Variants in ANXA11 observed in about 807,000 individuals in gnomAD.
ANXA11 encodes the protein 56 kDa autoantigen.
A neutral mutation model predicts 64.7 loss-of-function variants in ANXA11; 57 were observed. The ratio of observed to expected loss-of-function variants is 0.88; its 90% CI spans 0.71 to 1.10. The LOEUF (loss-of-function observed/expected upper bound fraction) is 1.10, where lower values mean the gene tolerates loss of function less well. Among genes scored for constraint, ANXA11 ranks in the 50% least tolerant of loss-of-function variants. The probability of loss-of-function intolerance (pLI) is 0.00; values close to 1 mark genes in which losing one functional copy is unlikely to be tolerated. For missense variants in ANXA11, 675 were observed against 670.7 expected, an observed-to-expected ratio of 1.01 and a Z score of -0.07; for synonymous variants, 260 against 265.2, an observed-to-expected ratio of 0.98 and a Z score of 0.19.
At chr10:80,195,053 C>A (rs2573376) in intron 1 of ANXA11, among the ~76,000 whole-genome samples, 2 of 152,082 alleles carry the variant, frequency 1.3e-5, no homozygotes, top group African/African-American at 4.8e-5. Flanking sequence ...GGAAGAGAGG[C>A]GAAGAAGACT....
At chr10:80,171,224 T>A in intron 3 of ANXA11, 1 of 1,237,258 alleles carries the variant, frequency 8.1e-7, no homozygotes, top group Non-Finnish European at 1.0e-6. Flanking sequence ...AAGTTCACCA[T>A]CATGGAGCAG....
chr10:80,198,962 C>T (rs907429116), intron 1 of ANXA11, among the ~76,000 whole-genome samples: 4 of 152,130 alleles, frequency 2.6e-5, no homozygotes, highest in African/African-American at 9.7e-5. Context: ...AATTCCTCTA[C>T]CAAAGACAGA....
At chr10:80,166,303 C>T in intron 7 of ANXA11, 106 bp from the exon 8 acceptor site, 1 of 652,316 alleles carries the variant, frequency 1.5e-6, no homozygotes, top group Non-Finnish European at 2.7e-6. Context: ...TGAGGAACAG[C>T]AGCATGGACA....
At position 80,166,910 on chromosome 10, in the gene ANXA11, A is replaced by G; in HGVS notation, c.724T>C (p.Phe242Leu). The G allele has an allele frequency of 6.2e-7, 1 of 1,608,406 alleles. No individual in the cohort carries two copies. The highest frequency in any genetic ancestry group is 8.5e-7 in the Non-Finnish European group (1 of 1,177,992). The change falls in exon 7 of 16, where the codon TTC becomes CTC. Residue 242 changes from phenylalanine to leucine, a missense_variant. Physicochemically the swap from Phe to Leu is conservative, Grantham distance 22. Coordinates refer to ENST00000422982, the MANE Select transcript of ANXA11 (RefSeq NM_145868.2). ...CTCGCCTTGCCGTAAGCCGTCTTGA[A>G]GGAAAGTAGGATCTGCTGCCGCTGC... ...NKQRQQILLS[F>L]KTAYGKDLIK...
intron 1 of ANXA11, among the ~76,000 whole-genome samples, chr10:80,192,470 T>C (rs932817663): frequency 4.6e-5 from 7 of 150,838 alleles, no homozygotes; most frequent in African/African-American, 1.5e-4. Flanking sequence ...TCCTCAGAGA[T>C]AGAAGAGAAC....
chr10:80,176,981 C>CTTTTT (rs10699670), intron 1 of ANXA11, among the ~76,000 whole-genome samples: 1 of 140,220 alleles, frequency 7.1e-6, no homozygotes. Flanking sequence ...CTGCTCCCCA[C>CTTTTT]TTTTTTTTTT....
At chr10:80,205,680 C>A (rs28365998), upstream of ANXA11, 10,532 of 152,256 alleles carry the variant, frequency 0.069, 570 homozygotes, top group South Asian at 0.2. Context: ...TCCAGGAAGT[C>A]TCGGGCTCCG....
intron 1 of ANXA11, among the ~76,000 whole-genome samples, chr10:80,187,566 C>T (rs997704191): frequency 1.4e-5 from 2 of 147,262 alleles, no homozygotes; most frequent in Non-Finnish European, 3.0e-5. Flanking sequence ...CACACACACA[C>T]ACACTCTCTC....
intron 8 of ANXA11, 56 bp from the exon 9 acceptor site, chr10:80,164,199 A>C: frequency 6.9e-7 from 1 of 1,455,004 alleles, no homozygotes; most frequent in Non-Finnish European, 9.6e-7. Context: ...CCTCACCAGC[A>C]CTCGGGAAGA....
upstream of ANXA11, chr10:80,205,589 CTGA>C (rs1825762309): frequency 1.3e-5 from 2 of 152,016 alleles, no homozygotes; most frequent in Non-Finnish European, 2.9e-5. Flanking sequence ...GGGGCGGGGC[CTGA>C]GCGCGGCCCC....
Position 80,155,711 on chromosome 10 carries a change from G to A in ANXA11, c.*142C>T. On this transcript the variant is annotated 3_prime_UTR_variant, in exon 16 of 16. Transcript: ENST00000422982. ...GTCCTGTGGCACACTATACGGGTCA[G>A]GAGGGGTGGAAGACAGGCCTAAGCT... The A allele has an allele frequency of 2.4e-6, 2 of 842,598 alleles. No individual in the cohort carries two copies. Among genetic ancestry groups the A allele is most frequent in the East Asian group, 2.4e-5 (1 of 41,398 alleles). 52.2% of individuals were successfully genotyped at this position (842,598 alleles called of 1,614,324 possible).
At chr10:80,200,376 A>T (rs1475742728) in intron 1 of ANXA11, among the ~76,000 whole-genome samples, 1 of 152,240 alleles carries the variant, frequency 6.6e-6, no homozygotes, top group Admixed American at 6.5e-5. Context: ...ATTCTCCCAG[A>T]TCCTTGGCCA....
chr10:80,170,705 T>C lies in ANXA11; in HGVS notation c.171+95A>G, dbSNP rs2789689. ...ACTACACACCACAGCAACACACACA[T>C]AGACAACTCTGGAGCCCCAGAGGCC... On this transcript the variant is annotated intron_variant, in intron 4 of 15. Transcript: ENST00000422982. The C allele has an allele frequency of 0.056, 56,027 of 993,422 alleles. 1,750 individuals carry two copies. Among genetic ancestry groups the C allele is most frequent in the African/African-American group, 0.084 (4,994 of 59,708 alleles). 61.5% of individuals were successfully genotyped at this position (993,422 alleles called of 1,614,324 possible).
chr10:80,196,453 C>T (rs899918706), intron 1 of ANXA11, among the ~76,000 whole-genome samples: 5 of 152,160 alleles, frequency 3.3e-5, no homozygotes, highest in Non-Finnish European at 7.3e-5. Flanking sequence ...CTGGGTGGCA[C>T]CTGTTTCGGT....
At chr10:80,205,643 G>A (rs1177623243), upstream of ANXA11, 1 of 152,148 alleles carries the variant, frequency 6.6e-6, no homozygotes, top group Non-Finnish European at 1.5e-5. Flanking sequence ...CCCGCGAGGA[G>A]CAGCAGCCTT....
chr10:80,179,091 G>A (rs1846270027), intron 1 of ANXA11, among the ~76,000 whole-genome samples: 1 of 152,176 alleles, frequency 6.6e-6, no homozygotes, highest in Non-Finnish European at 1.5e-5. Context: ...TGGAGGTGGG[G>A]CCAGGTGGGA....
chr10:80,201,029 C>G (rs1840397062), intron 1 of ANXA11, among the ~76,000 whole-genome samples: 1 of 152,146 alleles, frequency 6.6e-6, no homozygotes, highest in Admixed American at 6.5e-5. Context: ...TAAATCGAGG[C>G]AACAGAATCA....
chr10:80,197,804 G>T lies in ANXA11; in HGVS notation c.-58+7539C>A, dbSNP rs537952751. ...CAAAGCGCAGTGGCGGGCGCCTGTA[G>T]TCCCAGCTACTTGTGAGTCTGAGGC... is the stretch of plus-strand genomic sequence containing the variant. On this transcript the variant is annotated intron_variant, in intron 1 of 15. Coordinates refer to ENST00000422982, the MANE Select transcript of ANXA11 (RefSeq NM_145868.2). Among the ~76,000 whole-genome samples the T allele has an allele frequency of 7.5e-4, 114 of 152,186 alleles. 1 individual carries two copies. The highest frequency in any genetic ancestry group is 6.7e-3 in the Admixed American group (102 of 15,280).
At chr10:80,168,216 AG>A (rs1176929790) in intron 5 of ANXA11, among the ~76,000 whole-genome samples, 1 of 87,542 alleles carries the variant, frequency 1.1e-5, no homozygotes, top group Non-Finnish European at 2.7e-5. Context: ...CCCTACCCAA[AG>A]GGAATTTTAA....
Sources: allele counts gnomAD v4.1 joint callset (sites outside exome capture counted in the v4.1 genomes callset), GRCh38; gene constraint gnomAD v4.1.1; transcripts MANE v1.5; gene names NCBI Gene and HGNC (gene_info 2026-07-23, HGNC 2026-07-21).